The following HS6ST3 variants were observed in gnomAD, a reference collection of about 807,000 sequenced individuals.
HS6ST3 encodes the protein heparan-sulfate 6-O-sulfotransferase 3.
A neutral mutation model predicts 36.7 loss-of-function variants in HS6ST3; 12 were observed. The ratio of observed to expected loss-of-function variants is 0.33; its 90% CI spans 0.21 to 0.53. The LOEUF is 0.53. Among genes scored for constraint, HS6ST3 ranks in the 20% least tolerant of loss-of-function variants. HS6ST3 has a pLI of 0.95. For missense variants in HS6ST3, 584 were observed against 640.9 expected (o/e 0.91, Z 0.96); for synonymous variants, 240 against 257.5 (o/e 0.93, Z 0.65).
chr13:96,634,036 T>A (rs2056540646), intron 1 of HS6ST3, among the ~76,000 whole-genome samples: 1 of 152,130 alleles, frequency 6.6e-6, no homozygotes. Context: ...TCTCTAACTC[T>A]CCTTCTGTCC....
intron 1 of HS6ST3, among the ~76,000 whole-genome samples, chr13:96,451,347 C>G (rs1276897120): frequency 6.6e-6 from 1 of 152,008 alleles, no homozygotes; most frequent in East Asian, 1.9e-4. Flanking sequence ...TTTTGCATCT[C>G]TTTGTTTCAG....
chr13:96,611,541 A>G (rs994676347), intron 1 of HS6ST3, among the ~76,000 whole-genome samples: 1 of 152,188 alleles, frequency 6.6e-6, no homozygotes, highest in Non-Finnish European at 1.5e-5. Flanking sequence ...GAAATGAGAA[A>G]ATGAGCAACT....
intron 1 of HS6ST3, among the ~76,000 whole-genome samples, chr13:96,266,214 T>A (rs1398362769): frequency 1.3e-5 from 2 of 152,190 alleles, no homozygotes; most frequent in African/African-American, 4.8e-5. Flanking sequence ...TCCCCTTCAC[T>A]GGGCGCCTCA....
At chr13:96,526,461 G>T (rs1196194506) in intron 1 of HS6ST3, among the ~76,000 whole-genome samples, 4 of 152,156 alleles carry the variant, frequency 2.6e-5, no homozygotes, top group Non-Finnish European at 5.9e-5. Flanking sequence ...TAAGGGCTAG[G>T]CTGGTCTGCT....
intron 1 of HS6ST3, among the ~76,000 whole-genome samples, chr13:96,674,553 A>C (rs1201400545): frequency 1.3e-5 from 2 of 151,926 alleles, no homozygotes; most frequent in Admixed American, 6.6e-5. Context: ...AGGGGCTAGG[A>C]TTCTCCTTCA....
At chr13:96,514,945 A>C (rs1186708453) in intron 1 of HS6ST3, among the ~76,000 whole-genome samples, 1 of 152,198 alleles carries the variant, frequency 6.6e-6, no homozygotes, top group Non-Finnish European at 1.5e-5. Flanking sequence ...ACTAATAGTA[A>C]TTTCTAATAA....
intron 1 of HS6ST3, among the ~76,000 whole-genome samples, chr13:96,342,497 A>G (rs1321272361): frequency 6.6e-6 from 1 of 152,184 alleles, no homozygotes; most frequent in Non-Finnish European, 1.5e-5. Flanking sequence ...TCTGTCGCAC[A>G]TTTGTTTGAA....
chr13:96,818,609 G>A (rs1055632513), intron 1 of HS6ST3, among the ~76,000 whole-genome samples: 1 of 152,156 alleles, frequency 6.6e-6, no homozygotes. Context: ...GTTAAAGATG[G>A]TATCTGTTTC....
chr13:96,135,034 G>C (rs2053994536), intron 1 of HS6ST3, among the ~76,000 whole-genome samples: 1 of 152,132 alleles, frequency 6.6e-6, no homozygotes, highest in Non-Finnish European at 1.5e-5. Flanking sequence ...TGAAAGAAGA[G>C]GTCAGAGGGG....
At chr13:96,736,686 A>G (rs1876293254) in intron 1 of HS6ST3, among the ~76,000 whole-genome samples, 1 of 152,250 alleles carries the variant, frequency 6.6e-6, no homozygotes. Flanking sequence ...ATTTGCAAAA[A>G]TTAATATACT....
At chr13:96,647,352 T>G (rs891266707) in intron 1 of HS6ST3, among the ~76,000 whole-genome samples, 2 of 152,048 alleles carry the variant, frequency 1.3e-5, no homozygotes, top group African/African-American at 4.8e-5. Context: ...GTGAGTTGCA[T>G]CTAAATAAAT....
chr13:96,281,981 G>T (rs150600906), intron 1 of HS6ST3, among the ~76,000 whole-genome samples: 1 of 152,286 alleles, frequency 6.6e-6, no homozygotes, highest in African/African-American at 2.4e-5. Flanking sequence ...TAATACTTAT[G>T]TAAAGTTCTG....
chr13:96,339,048 C>T (rs1266188952), intron 1 of HS6ST3, among the ~76,000 whole-genome samples: 1 of 151,876 alleles, frequency 6.6e-6, no homozygotes, highest in Non-Finnish European at 1.5e-5. Context: ...TTGTGCTTAC[C>T]AAGGATGAAA....
chr13:96,774,548 T>C (rs1480089566), intron 1 of HS6ST3, among the ~76,000 whole-genome samples: 1 of 152,056 alleles, frequency 6.6e-6, no homozygotes, highest in Non-Finnish European at 1.5e-5. Flanking sequence ...CAAGTATCAA[T>C]AACTGAATTG....
intron 1 of HS6ST3, among the ~76,000 whole-genome samples, chr13:96,508,710 G>C (rs562781501): frequency 6.6e-6 from 1 of 152,088 alleles, no homozygotes; most frequent in African/African-American, 2.4e-5. Context: ...ACATTATTTT[G>C]TTCTTTTTAT....
intron 1 of HS6ST3, among the ~76,000 whole-genome samples, chr13:96,559,113 T>G (rs1402224960): frequency 1.3e-5 from 2 of 150,794 alleles, no homozygotes; most frequent in East Asian, 3.9e-4. Context: ...TATCTATCTA[T>G]CTATCTATCT....
At chr13:96,796,218 T>C (rs1877903056) in intron 1 of HS6ST3, among the ~76,000 whole-genome samples, 1 of 152,038 alleles carries the variant, frequency 6.6e-6, no homozygotes, top group African/African-American at 2.4e-5. Context: ...GGCCCTTATT[T>C]GAATGGGAAA....
At chr13:96,351,669 A>T (rs1375931296) in intron 1 of HS6ST3, among the ~76,000 whole-genome samples, 2 of 152,196 alleles carry the variant, frequency 1.3e-5, no homozygotes, top group Non-Finnish European at 2.9e-5. Flanking sequence ...AAACTGATGA[A>T]TACTGATGGT....
intron 1 of HS6ST3, among the ~76,000 whole-genome samples, chr13:96,499,627 G>C (rs1649130675): frequency 6.6e-6 from 1 of 152,176 alleles, no homozygotes; most frequent in African/African-American, 2.4e-5. Flanking sequence ...GATGGAGTGA[G>C]GGCAGGAACC....
Sources: allele counts gnomAD v4.1 joint callset (sites outside exome capture counted in the v4.1 genomes callset), GRCh38; gene constraint gnomAD v4.1.1; transcripts MANE v1.5; gene names NCBI Gene and HGNC (gene_info 2026-07-23, HGNC 2026-07-21).